PDCL: variants seen among roughly 807,000 people sequenced by gnomAD.
The protein encoded by PDCL is phosducin-like protein.
In PDCL, 11 loss-of-function variants were observed where a neutral mutation model predicts 26.7. The observed-to-expected ratio is 0.41, with a 90% CI of 0.26 to 0.68. The LOEUF (loss-of-function observed/expected upper bound fraction) is 0.68, where lower values mean the gene tolerates loss of function less well. Ranked by LOEUF, PDCL falls within the 30% of genes least tolerant of loss-of-function variation. The pLI is 0.30. For missense variants in PDCL, 330 were observed against 371.6 expected (o/e 0.89, Z 0.92); for synonymous variants, 118 against 134.9 (o/e 0.87, Z 0.87).
Position 122,818,339 on chromosome 9 carries a change from T to A in PDCL, c.*1746A>T, listed in dbSNP as rs958545830. On this transcript the variant is annotated 3_prime_UTR_variant, in exon 4 of 4. Transcript: ENST00000259467. Reference sequence around the variant, plus strand: ...AATAAATTATTATATATCCAAATGATGAAATATTATGAAGCCACTGAAAAT... The same window carrying A: ...AATAAATTATTATATATCCAAATGAAGAAATATTATGAAGCCACTGAAAAT... 1 of 152,088 alleles carries A rather than the reference T, an allele frequency of 6.6e-6. No individual in the cohort carries two copies. The highest frequency in any genetic ancestry group is 2.4e-5 in the African/African-American group (1 of 41,414). 9.4% of individuals were successfully genotyped at this position (152,088 alleles called of 1,614,324 possible). A position where few individuals can be genotyped will look rare whatever the true frequency, so the allele number is the denominator to read the frequency against.
intron 1 of PDCL, among the ~76,000 whole-genome samples, chr9:122,827,216 T>C (rs970027142): frequency 5.9e-5 from 9 of 152,126 alleles, no homozygotes; most frequent in Admixed American, 1.3e-4. Flanking sequence ...AATTGAAAAA[T>C]TGTTTAAGTA....
chr9:122,821,384 C>T (rs570110904), intron 3 of PDCL, among the ~76,000 whole-genome samples: 6 of 151,984 alleles, frequency 3.9e-5, no homozygotes, highest in African/African-American at 1.4e-4. Flanking sequence ...AGAAAAAACT[C>T]TCATAACCCC....
Position 122,826,622 on chromosome 9 carries a change from T to C in PDCL, c.166A>G (p.Asn56Asp). 6.2e-7 allele frequency: 1 copy of C among 1,613,946 alleles called. No homozygotes were observed. The highest frequency in any genetic ancestry group is 8.5e-7 in the Non-Finnish European group (1 of 1,179,836). ...AELAGEGISV[N>D]TGPKGVINDW... ...GCCCAGGGTTTCTCAGTACCTGTGT[T>C]AACTGAGATGCCTTCGCCTGCCAGC... The change falls in exon 2 of 4, where the codon AAC (asparagine) becomes GAC (aspartate). Residue 56 changes from asparagine (N) to aspartate (D), a missense_variant. Asn to Asp is a conservative substitution (Grantham distance 23, BLOSUM62 1). Coordinates refer to ENST00000259467, the MANE Select transcript of PDCL (RefSeq NM_005388.5).
intron 2 of PDCL, 24 bp from the exon 3 acceptor site, chr9:122,823,221 G>T (rs1427464475): frequency 8.7e-6 from 14 of 1,611,138 alleles, no homozygotes; most frequent in Non-Finnish European, 8.5e-6. Flanking sequence ...ACACGGATGT[G>T]ACCAAGGAGA....
At chr9:122,823,361 C>T (rs1053118467) in intron 2 of PDCL, among the ~76,000 whole-genome samples, 164 bp from the exon 3 acceptor site, 5 of 152,136 alleles carry the variant, frequency 3.3e-5, no homozygotes, top group African/African-American at 1.2e-4. Context: ...GTGGCCTATA[C>T]ACAATGATGT....
chr9:122,824,812 T>C (rs1047575487), intron 2 of PDCL, among the ~76,000 whole-genome samples: 1 of 151,944 alleles, frequency 6.6e-6, no homozygotes, highest in Admixed American at 6.6e-5. Flanking sequence ...TTGGAAAAAA[T>C]AAAGCAAAAG....
In PDCL at chr9:122,820,468, C is replaced by G; in HGVS notation, c.523G>C (p.Asp175His). Residue 175 changes from aspartate to histidine, a missense_variant, in exon 4 of 4, where the codon GAT becomes CAT. Transcript: ENST00000259467. Reference protein sequence around the residue: ...SSGEGFLDMIDKEQKSIVIMV... With the variant: ...SSGEGFLDMIHKEQKSIVIMV... ...ATGACAATGCTTTTCTGTTCTTTAT[C>G]AATCATGTCTAAAAACCCTTCTCCA... 1 of 1,614,132 alleles carries G rather than the reference C, an allele frequency of 6.2e-7. No homozygotes were observed. The highest frequency in any genetic ancestry group is 8.5e-7 in the Non-Finnish European group (1 of 1,180,030).
Position 122,826,601 on chromosome 9 carries a change from A to T in PDCL, c.172+15T>A. On this transcript the variant is annotated intron_variant, in intron 2 of 3. Coordinates refer to ENST00000259467, the MANE Select transcript of PDCL (RefSeq NM_005388.5). ...TTTTTTAAGCCTGTTCCCAGAGCCC[A>T]GGGTTTCTCAGTACCTGTGTTAACT... 6.2e-7 allele frequency: 1 copy of T among 1,609,122 alleles called. No homozygotes were observed. Among genetic ancestry groups the T allele is most frequent in the Non-Finnish European group, 8.5e-7 (1 of 1,177,306 alleles).
At chr9:122,826,561 T>C (rs2131364281) in intron 2 of PDCL, 55 bp downstream of exon 2, 1 of 1,374,776 alleles carries the variant, frequency 7.3e-7, no homozygotes, top group Admixed American at 2.3e-5. Flanking sequence ...TTAATTAATA[T>C]GTATTTAATG....
chr9:122,819,097 G>A lies in PDCL; in HGVS notation c.*988C>T, dbSNP rs569876108. On this transcript the variant is annotated 3_prime_UTR_variant, in exon 4 of 4. Transcript: ENST00000259467. ...ACAGTATGTTCAGAATGATCCCATC[G>A]TTTTGTTTAAAAACAAACAAAATAT... 3.3e-5 allele frequency: 5 copies of A among 152,010 alleles called. No individual in the cohort carries two copies. The highest frequency in any genetic ancestry group is 5.9e-5 in the Non-Finnish European group (4 of 67,938). The allele number at this position is 152,010 out of a possible 1,614,324, so 9.4% of individuals were successfully genotyped here. A position where few individuals can be genotyped will look rare whatever the true frequency, so the allele number is the denominator to read the frequency against.
Position 122,820,279 on chromosome 9 carries a change from T to G in PDCL, c.712A>C (p.Ile238Leu). Reference protein sequence around the residue: ...FTRNALPALLIYKGGELIGNF... With the variant: ...FTRNALPALLLYKGGELIGNF... The stretch of plus-strand genomic sequence containing the variant: ...CCGATCAATTCACCCCCCTTATAGA[T>G]CAGCAGGGCAGGAAGGGCATTCCTG... Residue 238 changes from isoleucine to leucine, a missense_variant, in exon 4 of 4, where the codon ATC (isoleucine) becomes CTC (leucine). Transcript: ENST00000259467. 6.2e-7 allele frequency: 1 copy of G among 1,614,068 alleles called. No homozygotes were observed. The highest frequency in any genetic ancestry group is 1.3e-5 in the African/African-American group (1 of 74,990).
chr9:122,819,143 C>T lies in PDCL; in HGVS notation c.*942G>A, dbSNP rs1025358732. ...AATATCCATGTATACACAGAAAACA[C>T]CTTGGCAGGAAACAGACCAAAATAT... On this transcript the variant is annotated 3_prime_UTR_variant, in exon 4 of 4. Transcript: ENST00000259467. The T allele has an allele frequency of 1.3e-5, 2 of 151,970 alleles. No individual in the cohort carries two copies. Among genetic ancestry groups the T allele is most frequent in the Non-Finnish European group, 2.9e-5 (2 of 67,942 alleles). 9.4% of individuals were successfully genotyped at this position (151,970 alleles called of 1,614,324 possible).
intron 3 of PDCL, 186 bp from the exon 4 acceptor site, chr9:122,820,822 T>TAAAAAA: frequency 1.3e-5 from 4 of 306,028 alleles, no homozygotes; most frequent in African/African-American, 3.0e-5. Flanking sequence ...CATCTCTCCT[T>TAAAAAA]AAAAAAAAAA....
intron 2 of PDCL, among the ~76,000 whole-genome samples, chr9:122,823,469 T>A (rs1389049362): frequency 6.6e-6 from 1 of 152,134 alleles, no homozygotes; most frequent in Non-Finnish European, 1.5e-5. Context: ...ACTCTTAGAG[T>A]AAAGCAGCTC....
intron 2 of PDCL, among the ~76,000 whole-genome samples, chr9:122,823,770 A>ATTT (rs5900545): frequency 0.036 from 4,910 of 137,200 alleles, 156 homozygotes; most frequent in East Asian, 0.069. Context: ...TATTATCTGA[A>ATTT]TTTTTTTTTT....
In PDCL at chr9:122,825,183, A is replaced by G. The variant is rs12345859; in HGVS notation, c.172+1433T>C. Among the ~76,000 whole-genome samples, 242 of 150,680 alleles carry G rather than the reference A, an allele frequency of 1.6e-3. 1 individual carries two copies. The highest frequency in any genetic ancestry group is 5.6e-3 in the African/African-American group (228 of 40,988). ...GGAGAATCTTTTTTTTTTTTTGGAG[A>G]CAGAGTCTCACTCTGTTGCCCAGGC... On this transcript the variant is annotated intron_variant, in intron 2 of 3. Coordinates refer to ENST00000259467, the MANE Select transcript of PDCL (RefSeq NM_005388.5).
Position 122,823,109 on chromosome 9 carries a change from C to T in PDCL, c.261G>A (p.Leu87=), listed in dbSNP as rs1829573849. The T allele has an allele frequency of 6.2e-7, 1 of 1,614,070 alleles. No individual in the cohort carries two copies. Among genetic ancestry groups the T allele is most frequent in the Admixed American group, 1.7e-5 (1 of 60,008 alleles). ...TGCAAGTCATTGACAGCTTCTTGAT[C>T]AGCCTTTCCATCTCCCGGCACTGCT... ...REEQCREMER[L]IKKLSMTCRS... Residue 87 remains leucine, a synonymous_variant, in exon 3 of 4, where the codon CTG becomes CTA. Coordinates refer to ENST00000259467, the MANE Select transcript of PDCL (RefSeq NM_005388.5).
Position 122,823,205 on chromosome 9 carries a change from G to T in PDCL, c.173-8C>A, listed in dbSNP as rs777319199. On this transcript the variant is annotated splice_polypyrimidine_tract_variant and splice_region_variant and intron_variant, in intron 2 of 3. Coordinates refer to ENST00000259467, the MANE Select transcript of PDCL (RefSeq NM_005388.5). ...TGATCACACCTTTTGGGCCTGAGTAGGGTGAACACGGATGTGACCAAGGAG... is the reference window on the plus strand; with the variant it reads ...TGATCACACCTTTTGGGCCTGAGTATGGTGAACACGGATGTGACCAAGGAG... The T allele has an allele frequency of 1.2e-6, 2 of 1,613,668 alleles. No homozygotes were observed. Among genetic ancestry groups the T allele is most frequent in the African/African-American group, 1.3e-5 (1 of 74,890 alleles).
At chr9:122,827,512 G>A (rs534746598) in intron 1 of PDCL, among the ~76,000 whole-genome samples, 2 of 152,274 alleles carry the variant, frequency 1.3e-5, no homozygotes, top group Non-Finnish European at 2.9e-5. Context: ...CCAGGTATTC[G>A]AGACCAGCCT....
Sources: gnomAD v4.1 joint callset for allele counts (sites outside exome capture counted in the v4.1 genomes callset) on GRCh38, gnomAD v4.1.1 for gene constraint, MANE v1.5 for transcripts, NCBI Gene and HGNC (gene_info 2026-07-23, HGNC 2026-07-21) for gene names.